YPEL2: variants seen among roughly 807,000 people sequenced by gnomAD.
The protein encoded by YPEL2 is yippee like 2, also known as protein yippee-like 2.
YPEL2 carries 2 observed loss-of-function variants against 19.1 expected under a neutral mutation model. The observed-to-expected ratio is 0.10, with a 90% CI of 0.04 to 0.33. The LOEUF (loss-of-function observed/expected upper bound fraction) is 0.33. Among genes scored for constraint, YPEL2 ranks in the 10% least tolerant of loss-of-function variants. The probability of loss-of-function intolerance (pLI) is 1.00; values close to 1 mark genes in which losing one functional copy is unlikely to be tolerated. For missense variants in YPEL2, 66 were observed against 140.7 expected (o/e 0.47, Z 2.68); for synonymous variants, 52 against 50.0 (o/e 1.04, Z -0.17).
intron 1 of YPEL2, among the ~76,000 whole-genome samples, chr17:59,350,766 A>G (rs1044291521): frequency 6.6e-6 from 1 of 152,132 alleles, no homozygotes; most frequent in African/African-American, 2.4e-5. Context: ...AAATAATTCT[A>G]CTCTGGGGAA....
chr17:59,334,571 A>AAC (rs35386954), intron 1 of YPEL2, among the ~76,000 whole-genome samples: 27,335 of 145,074 alleles, frequency 0.19, 2,754 homozygotes, highest in East Asian at 0.41. Flanking sequence ...TTCAGGCACA[A>AAC]ACACACACAC....
rs1446783730 is a variant in YPEL2, at chr17:59,359,941, C to G, written c.117+6415C>G. ...TTGAGACGGAGTCTCACTCTGTTGC[C>G]CAGGCTGGAGTGCAGTGGTGCGATC... On this transcript the variant is annotated intron_variant, in intron 2 of 4. Transcript: ENST00000312655. Among the ~76,000 whole-genome samples the G allele has an allele frequency of 2.0e-5, 3 of 152,310 alleles. No homozygotes were observed. In the South Asian group the frequency reaches 6.2e-4, roughly 32 times the overall value.
intron 4 of YPEL2, among the ~76,000 whole-genome samples, chr17:59,395,021 T>A (rs1018856436): frequency 6.6e-6 from 1 of 152,118 alleles, no homozygotes; most frequent in Non-Finnish European, 1.5e-5. Context: ...GAGGTTGCAG[T>A]GAGTCGAGAT....
intron 1 of YPEL2, among the ~76,000 whole-genome samples, chr17:59,340,946 C>T (rs1264059616): frequency 6.9e-6 from 1 of 145,920 alleles, no homozygotes; most frequent in Non-Finnish European, 1.5e-5. Flanking sequence ...AACACCTGAC[C>T]TCAGGCTATC....
At chr17:59,337,481 G>A (rs572395600) in intron 1 of YPEL2, among the ~76,000 whole-genome samples, 10 of 152,106 alleles carry the variant, frequency 6.6e-5, no homozygotes, top group African/African-American at 2.4e-4. Flanking sequence ...GAGCCACCGC[G>A]CCCGGCCGGG....
At chr17:59,352,837 CT>C (rs1341110716) in intron 1 of YPEL2, among the ~76,000 whole-genome samples, 1 of 152,178 alleles carries the variant, frequency 6.6e-6, no homozygotes, top group Non-Finnish European at 1.5e-5. Flanking sequence ...TTCCCTTCTC[CT>C]TTAACCACTC....
At chr17:59,364,883 C>T (rs1161938672) in intron 2 of YPEL2, among the ~76,000 whole-genome samples, 6 of 152,162 alleles carry the variant, frequency 3.9e-5, no homozygotes, top group African/African-American at 9.7e-5. Flanking sequence ...CCACTGGCCT[C>T]GGCCTCCCAA....
intron 2 of YPEL2, among the ~76,000 whole-genome samples, chr17:59,373,319 G>T (rs900399421): frequency 3.3e-5 from 5 of 152,188 alleles, no homozygotes; most frequent in Non-Finnish European, 5.9e-5. Flanking sequence ...GCTTAATCAT[G>T]ATAGGTGGAG....
rs774873683 is a variant in YPEL2, at chr17:59,397,065, C to T, written c.271-36C>T. The T allele has an allele frequency of 1.2e-5, 18 of 1,510,534 alleles. No homozygotes were observed. In the East Asian group the frequency reaches 1.4e-4, roughly 12 times the overall value. The allele number at this position is 1,510,534 out of a possible 1,614,324, so 93.6% of individuals were successfully genotyped here. ...AAAAAATCATTTTCTTGTCTTTGGT[C>T]GTTCAGTATCTCTTCTCTGCTTCTG... On this transcript the variant is annotated intron_variant, in intron 4 of 4. Transcript: ENST00000312655.
chr17:59,357,548 A>ATTGTTGT (rs1417582898), intron 2 of YPEL2, among the ~76,000 whole-genome samples: 1 of 152,180 alleles, frequency 6.6e-6, no homozygotes, highest in Non-Finnish European at 1.5e-5. Context: ...AATTGCTCAC[A>ATTGTTGT]TTGTTGTTTC....
At chr17:59,392,998 G>A (rs1489525412) in intron 4 of YPEL2, among the ~76,000 whole-genome samples, 1 of 152,140 alleles carries the variant, frequency 6.6e-6, no homozygotes, top group Non-Finnish European at 1.5e-5. Flanking sequence ...GAATCTCCCA[G>A]TTCTGTAAGT....
chr17:59,348,624 TA>T (rs1201832498), intron 1 of YPEL2, among the ~76,000 whole-genome samples: 1 of 152,244 alleles, frequency 6.6e-6, no homozygotes, highest in Non-Finnish European at 1.5e-5. Context: ...GAAAGCTAGC[TA>T]GGGGTGGCGG....
intron 1 of YPEL2, among the ~76,000 whole-genome samples, chr17:59,347,655 A>G (rs149186805): frequency 6.6e-6 from 1 of 152,290 alleles, no homozygotes; most frequent in East Asian, 1.9e-4. Flanking sequence ...GGACCTCAAT[A>G]CTAACGCATG....
At chr17:59,364,028 ACT>A (rs1021052155) in intron 2 of YPEL2, among the ~76,000 whole-genome samples, 21 of 151,630 alleles carry the variant, frequency 1.4e-4, no homozygotes, top group Admixed American at 9.2e-4. Context: ...TGTAGAACTC[ACT>A]CTCTGGTTGT....
chr17:59,369,923 T>C (rs2047888425), intron 2 of YPEL2, among the ~76,000 whole-genome samples: 1 of 152,262 alleles, frequency 6.6e-6, no homozygotes, highest in African/African-American at 2.4e-5. Flanking sequence ...TATATGTGAA[T>C]CATGTCTTTT....
At chr17:59,375,576 A>C (rs2047916509) in intron 2 of YPEL2, among the ~76,000 whole-genome samples, 1 of 152,220 alleles carries the variant, frequency 6.6e-6, no homozygotes, top group Non-Finnish European at 1.5e-5. Context: ...GCAGGTCTAC[A>C]AATTTAATAT....
At chr17:59,363,871 C>G (rs541816078) in intron 2 of YPEL2, among the ~76,000 whole-genome samples, 1 of 152,216 alleles carries the variant, frequency 6.6e-6, no homozygotes, top group Non-Finnish European at 1.5e-5. Flanking sequence ...AAATCCCACC[C>G]TTTCTTCCCT....
chr17:59,376,463 C>G (rs2047921307), intron 2 of YPEL2, among the ~76,000 whole-genome samples: 1 of 152,208 alleles, frequency 6.6e-6, no homozygotes, highest in Non-Finnish European at 1.5e-5. Flanking sequence ...GGTGATCCAC[C>G]TGCCTTGGCC....
At position 59,384,989 on chromosome 17, in the gene YPEL2, TA is replaced by T. The variant is rs2047973078; in HGVS notation, c.118-3337del. Among the ~76,000 whole-genome samples the T allele has an allele frequency of 3.3e-5, 5 of 152,322 alleles. No homozygotes were observed. In the South Asian group the frequency reaches 1.0e-3, roughly 32 times the overall value. On this transcript the variant is annotated intron_variant, in intron 2 of 4. Transcript: ENST00000312655. ...CTTGAAGGTCTTAGCAAATGTTTCT[TA>T]GAGGATGACATTCCAAATTACCTGT...
Sources: allele counts gnomAD v4.1 joint callset (sites outside exome capture counted in the v4.1 genomes callset), GRCh38; gene constraint gnomAD v4.1.1; transcripts MANE v1.5; gene names NCBI Gene and HGNC (gene_info 2026-07-23, HGNC 2026-07-21).